Variants in SPATA13 observed in about 807,000 individuals in gnomAD.
The protein encoded by SPATA13 is spermatogenesis-associated protein 13.
A neutral mutation model predicts 104.0 loss-of-function variants in SPATA13; 50 were observed. That is an observed-to-expected ratio of 0.48 (90% confidence interval 0.38 to 0.61). SPATA13 has a LOEUF of 0.61. SPATA13 is among the 20% of genes least tolerant of loss of function. The pLI is 0.00. For synonymous variants in SPATA13, 606 were observed against 667.5 expected, an observed-to-expected ratio of 0.91 and a Z score of 1.42; for missense variants, 1,524 against 1,690.6, an observed-to-expected ratio of 0.90 and a Z score of 1.73.
chr13:24,037,234 AG>A (rs1321757259), intron 3 of SPATA13, among the ~76,000 whole-genome samples: 2 of 149,208 alleles, frequency 1.3e-5, no homozygotes, highest in Admixed American at 1.3e-4. Flanking sequence ...GGATGGCATT[AG>A]GAGATATACC....
At chr13:24,038,134 C>T (rs541733015) in intron 3 of SPATA13, among the ~76,000 whole-genome samples, 15 of 152,110 alleles carry the variant, frequency 9.9e-5, no homozygotes, top group Admixed American at 3.3e-4. Context: ...AGGATGGTCT[C>T]GATCTCCTGA....
At chr13:24,255,341 C>A (rs561018751) in intron 4 of SPATA13, among the ~76,000 whole-genome samples, 1 of 152,296 alleles carries the variant, frequency 6.6e-6, no homozygotes, top group South Asian at 2.1e-4. Context: ...CCTCCCTTGT[C>A]TTCTCTGTCA....
intron 3 of SPATA13, among the ~76,000 whole-genome samples, chr13:24,089,358 A>G (rs980052532): frequency 6.6e-6 from 1 of 152,208 alleles, no homozygotes; most frequent in African/African-American, 2.4e-5. Flanking sequence ...CGGTTGTGGC[A>G]AAAACAAAAA....
chr13:24,249,815 G>A lies in SPATA13; in HGVS notation c.1992G>A (p.Thr664=), dbSNP rs145584312. 675 of 1,609,254 alleles carry A rather than the reference G, an allele frequency of 4.2e-4. 1 individual carries two copies. Among genetic ancestry groups the A allele is most frequent in the Admixed American group, 2.3e-3 (139 of 59,422 alleles). ...GGVSLYGTNQ[T]EELDNLLTQP... is the part of the protein sequence containing the mutation. The stretch of plus-strand genomic sequence containing the variant: ...TCAGCTTGTATGGGACCAACCAGAC[G>A]GAGGAACTGGACAATCTTCTGACCC... The change falls in exon 3 of 13, where the codon ACG becomes ACA. Residue 664 remains threonine, a synonymous_variant. Coordinates refer to ENST00000382108, the MANE Select transcript of SPATA13 (RefSeq NM_001166271.3).
chr13:24,296,614 T>C (rs1876801899), intron 10 of SPATA13, among the ~76,000 whole-genome samples: 1 of 152,184 alleles, frequency 6.6e-6, no homozygotes, highest in Non-Finnish European at 1.5e-5. Flanking sequence ...ATCACGATAC[T>C]GTGTCCCCTG....
chr13:24,224,314 C>G lies in SPATA13; in HGVS notation c.1385C>G (p.Thr462Ser). The G allele has an allele frequency of 6.4e-7, 1 of 1,551,736 alleles. No individual in the cohort carries two copies. Among genetic ancestry groups the G allele is most frequent in the Non-Finnish European group, 8.7e-7 (1 of 1,147,004 alleles). The change falls in exon 2 of 13, where the codon ACC becomes AGC. Residue 462 changes from threonine (T) to serine (S), a missense_variant. Physicochemically the swap from Thr to Ser is moderately conservative, Grantham distance 58 (BLOSUM62 1). Around this residue, in one of 2 missense-constraint regions of SPATA13, gnomAD observed 1,089 missense variants for 1,135.9 expected, o/e 0.96. Coordinates refer to ENST00000382108, the MANE Select transcript of SPATA13 (RefSeq NM_001166271.3). Reference sequence around the variant, plus strand: ...ACATTTGACCCTGAGCAGCCTCCCACCCCTCTAAGGCCCACCACACCCAAG... The same window carrying G: ...ACATTTGACCCTGAGCAGCCTCCCAGCCCTCTAAGGCCCACCACACCCAAG... Reference protein sequence around the residue: ...QLTFDPEQPPTPLRPTTPKPQ... With the variant: ...QLTFDPEQPPSPLRPTTPKPQ...
At chr13:24,182,683 G>A (rs575642155) in intron 1 of SPATA13, among the ~76,000 whole-genome samples, 61 of 152,338 alleles carry the variant, frequency 4.0e-4, no homozygotes, top group African/African-American at 1.4e-3. Context: ...TTCAATGTGA[G>A]ATTTGGAGAG....
intron 3 of SPATA13, among the ~76,000 whole-genome samples, chr13:24,036,374 T>C (rs1303474589): frequency 6.6e-6 from 1 of 152,198 alleles, no homozygotes; most frequent in Admixed American, 6.5e-5. Flanking sequence ...AGAGGAAGAA[T>C]GTCTGGCCTC....
chr13:24,054,266 A>G (rs935683257), intron 3 of SPATA13, among the ~76,000 whole-genome samples: 2 of 152,192 alleles, frequency 1.3e-5, no homozygotes, highest in Non-Finnish European at 2.9e-5. Context: ...AAGGGAAGAA[A>G]TCTTTCAGGG....
At chr13:24,112,702 A>G (rs727113) in intron 3 of SPATA13, among the ~76,000 whole-genome samples, 103,556 of 152,072 alleles carry the variant, frequency 0.68, 35,877 homozygotes, top group East Asian at 0.93. Flanking sequence ...CTCAGTCTTC[A>G]TCTACTTTCT....
chr13:24,229,712 A>G (rs944213394), intron 2 of SPATA13, among the ~76,000 whole-genome samples: 48 of 152,248 alleles, frequency 3.2e-4, no homozygotes, highest in Non-Finnish European at 2.6e-4. Flanking sequence ...TTAAAAAAAA[A>G]GCATAAGAGT....
intron 3 of SPATA13, among the ~76,000 whole-genome samples, chr13:24,023,372 G>T (rs1012131070): frequency 6.7e-6 from 1 of 149,704 alleles, no homozygotes; most frequent in Non-Finnish European, 1.5e-5. Flanking sequence ...TTTCTCTGGA[G>T]TGAAGATATA....
Position 24,286,197 on chromosome 13 carries a change from C to G in SPATA13, c.2302-17C>G. ...ACTCGTGCTCTATGCTGAGCGCACC[C>G]CACTGTCTCCTTTCAGCTGATCAGT... On this transcript the variant is annotated splice_polypyrimidine_tract_variant and intron_variant, in intron 5 of 12. Coordinates refer to ENST00000382108, the MANE Select transcript of SPATA13 (RefSeq NM_001166271.3). The surrounding 1 kb of genome is among the most constrained non-coding windows in gnomAD (Gnocchi z 4.9). The G allele has an allele frequency of 1.9e-6, 3 of 1,600,810 alleles. No individual in the cohort carries two copies. The highest frequency in any genetic ancestry group is 2.6e-6 in the Non-Finnish European group (3 of 1,172,198).
intron 3 of SPATA13, among the ~76,000 whole-genome samples, chr13:24,047,120 C>T (rs549514537): frequency 1.8e-4 from 27 of 152,216 alleles, no homozygotes; most frequent in Non-Finnish European, 3.1e-4. Flanking sequence ...CACCTCAAGG[C>T]GGGGTCCACA....
intron 3 of SPATA13, among the ~76,000 whole-genome samples, chr13:24,073,731 A>G (rs1399577174): frequency 6.6e-6 from 1 of 152,236 alleles, no homozygotes; most frequent in Admixed American, 6.5e-5. Flanking sequence ...GCCATCTAAT[A>G]TCTTTTAAAT....
intron 3 of SPATA13, among the ~76,000 whole-genome samples, chr13:24,050,371 C>G (rs1216716692): frequency 6.6e-6 from 1 of 152,158 alleles, no homozygotes; most frequent in Non-Finnish European, 1.5e-5. Context: ...CAAATTTCCC[C>G]GCTTGACTCA....
Position 24,079,791 on chromosome 13 carries a change from A to G in SPATA13, c.-112+62090A>G, listed in dbSNP as rs138120507. On this transcript the variant is annotated intron_variant, in intron 3 of 14. Coordinates refer to the SPATA13 transcript ENST00000424834. ...TCTGGACTCATCTTATAGAATTGCA[A>G]TTTTGTACTTTCTGATTACATCTCC... 5.9e-5 allele frequency among the ~76,000 whole-genome samples: 9 copies of G among 152,152 alleles called. No homozygotes were observed. In the South Asian group the frequency reaches 1.5e-3, roughly 25 times the overall value.
intron 8 of SPATA13, among the ~76,000 whole-genome samples, chr13:24,289,606 A>T (rs757296315): frequency 6.6e-6 from 1 of 152,188 alleles, no homozygotes; most frequent in Admixed American, 6.5e-5. Flanking sequence ...AGATGAGGAA[A>T]CTAAGGCCCA....
chr13:24,291,749 T>TTTTTTTATTTTTTATTTTTTA (rs1876376702), intron 9 of SPATA13, among the ~76,000 whole-genome samples: 1 of 79,784 alleles, frequency 1.3e-5, no homozygotes, highest in Non-Finnish European at 2.5e-5. Flanking sequence ...TATTTTTTTA[T>TTTTTTTATTTTTTATTTTTTA]TTTTTTATTT....
Sources: gnomAD v4.1 joint callset for allele counts (sites outside exome capture counted in the v4.1 genomes callset) on GRCh38, gnomAD v4.1.1 for gene constraint, gnomAD v4.1.1 regional missense constraint, Gnocchi (gnomAD v3.1) non-coding constraint, MANE v1.5 for transcripts, NCBI Gene and HGNC (gene_info 2026-07-23, HGNC 2026-07-21) for gene names.